Variants in GPM6B observed in about 807,000 individuals in gnomAD.
GPM6B encodes neuronal membrane glycoprotein M6-b.
GPM6B carries 4 observed loss-of-function variants against 27.2 expected under a neutral mutation model. The ratio of observed to expected loss-of-function variants is 0.15; its 90% CI spans 0.07 to 0.34. The LOEUF is 0.34. Ranked by LOEUF, GPM6B falls within the 10% of genes least tolerant of loss-of-function variation. The pLI, the probability that GPM6B is intolerant of heterozygous loss-of-function variation, is 1.00. For missense variants in GPM6B, 183 were observed against 261.9 expected (o/e 0.70, Z 2.08); for synonymous variants, 124 against 103.1 (o/e 1.20, Z -1.23).
At chrX:13,889,425 G>C (rs747787214) in intron 1 of GPM6B, 38 of 111,896 alleles carry the variant, frequency 3.4e-4, no homozygotes, top group African/African-American at 1.1e-3. Context: ...GGAGTACCAT[G>C]AAGAATAAAA....
intron 1 of GPM6B, among the ~76,000 whole-genome samples, chrX:13,891,431 A>G (rs1603116843): frequency 9.0e-6 from 1 of 111,502 alleles, no homozygotes; most frequent in African/African-American, 3.3e-5. Context: ...AAAAAACCAA[A>G]CAACAACAAC....
At chrX:13,899,190 C>G (rs1380995226) in intron 1 of GPM6B, among the ~76,000 whole-genome samples, 1 of 109,633 alleles carries the variant, frequency 9.1e-6, no homozygotes, top group Non-Finnish European at 1.9e-5. Flanking sequence ...GTGGGCAGAT[C>G]ACTTGAGCTC....
upstream of GPM6B, among the ~76,000 whole-genome samples, chrX:13,819,991 C>CA (rs2049289650): frequency 9.0e-6 from 1 of 111,395 alleles, no homozygotes; most frequent in East Asian, 2.8e-4. Context: ...GTCAAAGGGT[C>CA]AGGAAGTGAT....
At chrX:13,795,429 C>CA (rs2048791760) in intron 2 of GPM6B, among the ~76,000 whole-genome samples, 1 of 111,678 alleles carries the variant, frequency 9.0e-6, no homozygotes, top group Non-Finnish European at 1.9e-5. Flanking sequence ...AACACTCCTC[C>CA]ATTCTCCAAG....
intron 4 of GPM6B, among the ~76,000 whole-genome samples, chrX:13,782,887 A>G (rs1354962924): frequency 8.9e-6 from 1 of 112,391 alleles, no homozygotes; most frequent in Non-Finnish European, 1.9e-5. Context: ...CTGCTTGAGA[A>G]AGCAGCCTGT....
intron 1 of GPM6B, among the ~76,000 whole-genome samples, chrX:13,887,446 AG>A (rs763694081): frequency 4.5e-5 from 5 of 111,853 alleles, no homozygotes; most frequent in Non-Finnish European, 9.4e-5. Flanking sequence ...AAGTCTCAGA[AG>A]CCCACCAGTC....
upstream of GPM6B, chrX:13,817,387 AAT>A: frequency 6.7e-6 from 5 of 750,471 alleles, no homozygotes; most frequent in Non-Finnish European, 7.9e-6. Context: ...CCCAGGAAAA[AAT>A]AGATTTGTGA....
intron 1 of GPM6B, among the ~76,000 whole-genome samples, chrX:13,847,893 G>A (rs1162862853): frequency 1.8e-5 from 2 of 112,217 alleles, no homozygotes; most frequent in East Asian, 2.8e-4. Flanking sequence ...TTAAAGCAGT[G>A]TGGCTAGAGC....
At chrX:13,827,663 T>G (rs2049392450) in intron 1 of GPM6B, among the ~76,000 whole-genome samples, 1 of 112,038 alleles carries the variant, frequency 8.9e-6, no homozygotes, top group Non-Finnish European at 1.9e-5. Flanking sequence ...TCTCAACACC[T>G]TCAGCCTGCT....
intron 1 of GPM6B, among the ~76,000 whole-genome samples, chrX:13,841,803 C>G (rs1222862290): frequency 8.9e-6 from 1 of 111,840 alleles, no homozygotes; most frequent in African/African-American, 3.3e-5. Context: ...CTGGCTATCA[C>G]CGACCTTCAT....
intron 1 of GPM6B, among the ~76,000 whole-genome samples, chrX:13,892,829 A>G (rs1234116847): frequency 4.5e-5 from 5 of 112,118 alleles, no homozygotes; most frequent in Non-Finnish European, 9.4e-5. Flanking sequence ...CCGAGGCAGG[A>G]GTACTGAGGT....
intron 2 of GPM6B, among the ~76,000 whole-genome samples, chrX:13,790,027 A>T (rs1327548829): frequency 9.0e-6 from 1 of 111,023 alleles, no homozygotes; most frequent in Non-Finnish European, 1.9e-5. Context: ...TTATTTTTTA[A>T]TTTTTTTGTA....
rs778600207 is a variant in GPM6B, at chrX:13,931,382, G to A, written c.-198+6945C>T. On this transcript the variant is annotated intron_variant, in intron 1 of 6. Transcript: ENST00000398361. ...GGGCGCCTGTAGTCCCAGCTACTCC[G>A]GAGGCTGAGGCGAGAGAATGGCGTG... Among the ~76,000 whole-genome samples the A allele has an allele frequency of 7.3e-5, 8 of 109,441 alleles. No individual in the cohort carries two copies. In the East Asian group the frequency reaches 1.1e-3, roughly 16 times the overall value.
intron 1 of GPM6B, among the ~76,000 whole-genome samples, chrX:13,823,204 G>C (rs187020239): frequency 1.8e-5 from 2 of 112,433 alleles, no homozygotes; most frequent in Admixed American, 9.4e-5. Flanking sequence ...AAACTGGTTG[G>C]TGTATAGGAA....
At chrX:13,840,584 G>T (rs1002026964) in intron 1 of GPM6B, among the ~76,000 whole-genome samples, 6 of 111,682 alleles carry the variant, frequency 5.4e-5, no homozygotes, top group Non-Finnish European at 1.1e-4. Flanking sequence ...GCCCAAGTAA[G>T]AAGGAATTCC....
chrX:13,909,047 C>T (rs1447334046), intron 1 of GPM6B, among the ~76,000 whole-genome samples: 1 of 110,598 alleles, frequency 9.0e-6, no homozygotes, highest in Non-Finnish European at 1.9e-5. Flanking sequence ...AGAGGGTTCC[C>T]ACATACCTCA....
intron 1 of GPM6B, among the ~76,000 whole-genome samples, chrX:13,844,570 T>A (rs1348527520): frequency 1.8e-5 from 2 of 112,295 alleles, no homozygotes; most frequent in East Asian, 5.5e-4. Flanking sequence ...ATCAAAATTA[T>A]TATTCCACTG....
At chrX:13,930,946 G>A (rs938968714) in intron 1 of GPM6B, among the ~76,000 whole-genome samples, 14 of 112,124 alleles carry the variant, frequency 1.2e-4, no homozygotes, top group African/African-American at 4.5e-4. Flanking sequence ...CACTTTGGGA[G>A]GCTGAGGCAG....
chrX:13,800,521 T>C (rs2048902028), intron 2 of GPM6B, among the ~76,000 whole-genome samples: 1 of 112,718 alleles, frequency 8.9e-6, no homozygotes, highest in African/African-American at 3.2e-5. Flanking sequence ...TTGGCTCTTA[T>C]ACACAAAGAT....
Sources: allele counts gnomAD v4.1 joint callset (sites outside exome capture counted in the v4.1 genomes callset), GRCh38; gene constraint gnomAD v4.1.1; transcripts MANE v1.5; gene names NCBI Gene and HGNC (gene_info 2026-07-23, HGNC 2026-07-21).